CPNE2: variants seen among roughly 807,000 people sequenced by gnomAD.
CPNE2 encodes copine 2.
A neutral mutation model predicts 69.7 loss-of-function variants in CPNE2; 42 were observed. That is an observed-to-expected ratio of 0.60 (90% CI 0.47 to 0.78). The LOEUF is 0.78. Ranked by LOEUF, CPNE2 falls within the 30% of genes least tolerant of loss-of-function variation. CPNE2 has a pLI of 0.00. For synonymous variants in CPNE2, 294 were observed against 289.8 expected (o/e 1.01, Z -0.15); for missense variants, 587 against 732.0 (o/e 0.80, Z 2.29).
Position 57,121,575 on chromosome 16 carries a change from C to G in CPNE2, c.781-99C>G, listed in dbSNP as rs1362752475. ...GGCTCCCTGGAGGAAGCATGCTGCC[C>G]CCATTGTCAAGCCTGTGGAAGGGAT... On this transcript the variant is annotated intron_variant, in intron 8 of 15. Transcript: ENST00000290776. The G allele has an allele frequency of 4.3e-6, 5 of 1,162,282 alleles. No homozygotes were observed. In the African/African-American group the frequency reaches 7.7e-5, roughly 18 times the overall value. 72.0% of individuals were successfully genotyped at this position (1,162,282 alleles called of 1,614,324 possible).
chr16:57,121,772 T>G lies in CPNE2; in HGVS notation c.867+12T>G. Reference sequence around the variant, plus strand: ...TGCGATCCTGCAAGGTGAACCAGCGTGGGCAAGCACGAGCCAGGGGCCAGG... The same window carrying G: ...TGCGATCCTGCAAGGTGAACCAGCGGGGGCAAGCACGAGCCAGGGGCCAGG... On this transcript the variant is annotated intron_variant, in intron 9 of 15. Transcript: ENST00000290776. The G allele has an allele frequency of 6.2e-7, 1 of 1,613,728 alleles. No individual in the cohort carries two copies. Among genetic ancestry groups the G allele is most frequent in the Non-Finnish European group, 8.5e-7 (1 of 1,179,696 alleles).
rs2069829779 is a variant in CPNE2, at chr16:57,130,458, G to A, written c.1116+2555G>A. On this transcript the variant is annotated intron_variant, in intron 12 of 15. Coordinates refer to ENST00000290776, the MANE Select transcript of CPNE2 (RefSeq NM_152727.6). This position sits in a 1 kb window ranked among gnomAD's most constrained non-coding sequence, Gnocchi z 4.1. ...GAGACTGAGCCCGGGGGCAGAGCAG[G>A]GAGGAAGTGAAGGAGGGAGGGGCAG... Among the ~76,000 whole-genome samples, 2 of 152,118 alleles carry A rather than the reference G, an allele frequency of 1.3e-5. No individual in the cohort carries two copies. The highest frequency in any genetic ancestry group is 1.3e-4 in the Admixed American group (2 of 15,278).
intron 12 of CPNE2, among the ~76,000 whole-genome samples, chr16:57,131,767 C>T (rs1398194537): frequency 6.6e-6 from 1 of 152,236 alleles, no homozygotes. Flanking sequence ...ACTCGCCTCA[C>T]TCCTGCTGCC....
chr16:57,114,108 A>G (rs1397056654), intron 3 of CPNE2, among the ~76,000 whole-genome samples: 3 of 152,222 alleles, frequency 2.0e-5, no homozygotes, highest in Non-Finnish European at 2.9e-5. Flanking sequence ...GCCTTCCAGG[A>G]GATGGTGACC....
At chr16:57,098,453 G>A (rs374881530) in intron 1 of CPNE2, among the ~76,000 whole-genome samples, 2 of 152,246 alleles carry the variant, frequency 1.3e-5, no homozygotes, top group Admixed American at 1.3e-4. Context: ...ATGGGCATGC[G>A]GCAAGGGCCC....
chr16:57,142,856 T>C (rs1198851425), intron 14 of CPNE2: 2 of 152,244 alleles, frequency 1.3e-5, no homozygotes, highest in South Asian at 2.1e-4. Flanking sequence ...CAATTTCTTA[T>C]AAATCAAATC....
chr16:57,133,437 G>A (rs1486914971), intron 12 of CPNE2, among the ~76,000 whole-genome samples: 1 of 152,154 alleles, frequency 6.6e-6, no homozygotes, highest in Non-Finnish European at 1.5e-5. Context: ...CCCCAGGGGA[G>A]GGGAGGGCAC....
intron 14 of CPNE2, chr16:57,142,091 A>G (rs2069926520): frequency 6.6e-6 from 1 of 152,210 alleles, no homozygotes; most frequent in South Asian, 2.1e-4. Flanking sequence ...CATTCACTCA[A>G]CACATCTTTA....
chr16:57,119,404 G>A (rs1597496879), intron 6 of CPNE2, 126 bp downstream of exon 6: 2 of 1,141,200 alleles, frequency 1.8e-6, no homozygotes, highest in Non-Finnish European at 1.3e-6. Flanking sequence ...TGGCACCTGA[G>A]GGATATGCTT....
intron 9 of CPNE2, among the ~76,000 whole-genome samples, 174 bp downstream of exon 9, chr16:57,121,934 G>A (rs911179681): frequency 3.9e-5 from 6 of 152,220 alleles, no homozygotes; most frequent in Non-Finnish European, 8.8e-5. Context: ...CTCCTCATCT[G>A]TGGAATGGAG....
chr16:57,106,586 G>T (rs903804520), intron 1 of CPNE2, among the ~76,000 whole-genome samples: 1 of 152,068 alleles, frequency 6.6e-6, no homozygotes, highest in South Asian at 2.1e-4. Context: ...GAATCTGGGC[G>T]TGTGTGCCTG....
At position 57,116,765 on chromosome 16, in the gene CPNE2, G is replaced by A. The variant is rs117708622; in HGVS notation, c.436-731G>A. 2.9e-4 allele frequency among the ~76,000 whole-genome samples: 44 copies of A among 152,310 alleles called. No homozygotes were observed. The East Asian group carries it at 7.0e-3, about 24-fold the overall frequency. On this transcript the variant is annotated intron_variant, in intron 4 of 15. Coordinates refer to ENST00000290776, the MANE Select transcript of CPNE2 (RefSeq NM_152727.6). ...CAGTGGGAGGACGGCAGGGGAGAAC[G>A]GGCAACATGGCTGGCCTCTGTCTGT...
intron 13 of CPNE2, 60 bp downstream of exon 13, chr16:57,134,886 G>C: frequency 6.4e-7 from 1 of 1,552,966 alleles, no homozygotes; most frequent in Non-Finnish European, 8.9e-7. Context: ...CCAGCTCCCT[G>C]GGTGGAGGGA....
intron 1 of CPNE2, among the ~76,000 whole-genome samples, chr16:57,105,660 A>G (rs1460687988): frequency 6.6e-6 from 1 of 152,090 alleles, no homozygotes; most frequent in African/African-American, 2.4e-5. Flanking sequence ...GAATGAACCA[A>G]TGAATCAGTG....
Position 57,123,410 on chromosome 16 carries a change from C to G in CPNE2, c.868-4C>G. 1 of 1,612,796 alleles carries G rather than the reference C, an allele frequency of 6.2e-7. No homozygotes were observed. Among genetic ancestry groups the G allele is most frequent in the Non-Finnish European group, 8.5e-7 (1 of 1,180,014 alleles). Reference sequence around the variant, plus strand: ...GACCCACTGACTCATCCGCTTTCTTCCAGATAAACCGAGACTACTCCTTCC... The same window carrying G: ...GACCCACTGACTCATCCGCTTTCTTGCAGATAAACCGAGACTACTCCTTCC... On this transcript the variant is annotated splice_region_variant and splice_polypyrimidine_tract_variant and intron_variant, in intron 9 of 15. Coordinates refer to ENST00000290776, the MANE Select transcript of CPNE2 (RefSeq NM_152727.6).
intron 4 of CPNE2, among the ~76,000 whole-genome samples, chr16:57,115,880 G>A (rs2069715755): frequency 1.3e-5 from 2 of 152,220 alleles, no homozygotes; most frequent in African/African-American, 4.8e-5. Context: ...CCTGCAATGC[G>A]CAACGACTCC....
chr16:57,132,782 C>G (rs2069847347), intron 12 of CPNE2, among the ~76,000 whole-genome samples: 1 of 152,160 alleles, frequency 6.6e-6, no homozygotes, highest in African/African-American at 2.4e-5. Flanking sequence ...ACTGTGTGAC[C>G]TGGGCACTCC....
At position 57,146,263 on chromosome 16, in the gene CPNE2, C is replaced by T. The variant is rs764362033; in HGVS notation, c.1481C>T (p.Thr494Met). The T allele has an allele frequency of 1.2e-5, 19 of 1,557,358 alleles. No homozygotes were observed. The highest frequency in any genetic ancestry group is 9.7e-5 in the East Asian group (4 of 41,438). Residue 494 changes from threonine (T) to methionine (M), a missense_variant, in exon 15 of 16, where the codon ACG (threonine) becomes ATG (methionine). Thr to Met is a moderately conservative substitution (Grantham distance 81). Transcript: ENST00000290776. This position sits in a 1 kb window ranked among gnomAD's most constrained non-coding sequence, Gnocchi z 4.4. ...GACAGCCGCATGCTGCGCTCCCACA[C>T]GGGGGAGGAGGCAGCCCGCGATATT... is the stretch of plus-strand genomic sequence containing the variant. ...DGDSRMLRSH[T>M]GEEAARDIVQ...
chr16:57,106,334 C>T (rs1218261384), intron 1 of CPNE2, among the ~76,000 whole-genome samples: 1 of 152,188 alleles, frequency 6.6e-6, no homozygotes, highest in Non-Finnish European at 1.5e-5. Flanking sequence ...GTGACCTGTC[C>T]CTCCTGCCCA....
Sources: allele counts gnomAD v4.1 joint callset (sites outside exome capture counted in the v4.1 genomes callset), GRCh38; gene constraint gnomAD v4.1.1; non-coding constraint Gnocchi (gnomAD v3.1); transcripts MANE v1.5; gene names NCBI Gene and HGNC (gene_info 2026-07-23, HGNC 2026-07-21).